The following CSRNP1 variants were observed in gnomAD, a reference collection of about 807,000 sequenced individuals.
CSRNP1 encodes cysteine and serine rich nuclear protein 1, also known as cysteine/serine-rich nuclear protein 1.
A neutral mutation model predicts 25.0 loss-of-function variants in CSRNP1; 8 were observed. The ratio of observed to expected loss-of-function variants is 0.32; its 90% CI spans 0.19 to 0.58. The LOEUF (loss-of-function observed/expected upper bound fraction) is 0.58. Among genes scored for constraint, CSRNP1 ranks in the 20% least tolerant of loss-of-function variants. The probability of loss-of-function intolerance (pLI) is 0.88; values close to 1 mark genes in which losing one functional copy is unlikely to be tolerated. For missense variants in CSRNP1, 691 were observed against 773.1 expected (o/e 0.89, Z 1.26); for synonymous variants, 305 against 303.1 (o/e 1.01, Z -0.06).
In CSRNP1 at chr3:39,146,752, G is replaced by T. The variant is rs756203461; in HGVS notation, c.-40-30C>A. The T allele has an allele frequency of 7.7e-5, 117 of 1,526,290 alleles. 2 individuals are homozygous for T. In the South Asian group the frequency reaches 1.4e-3, roughly 18 times the overall value. The allele number at this position is 1,526,290 out of a possible 1,614,324, so 94.5% of individuals were successfully genotyped here. On this transcript the variant is annotated intron_variant, in intron 1 of 4. Transcript: ENST00000273153. ...AATAGGAATGAGAAGGCTCTAAGTGGCAGGCAGGCAGCAGCAGGTGGACTT... is the reference window on the plus strand; with the variant it reads ...AATAGGAATGAGAAGGCTCTAAGTGTCAGGCAGGCAGCAGCAGGTGGACTT...
chr3:39,147,796 G>A (rs1386440761), intron 1 of CSRNP1, among the ~76,000 whole-genome samples: 1 of 152,126 alleles, frequency 6.6e-6, no homozygotes, highest in African/African-American at 2.4e-5. Context: ...GCAAGCCCCA[G>A]AGGACTCAAT....
In CSRNP1 at chr3:39,143,891, G is replaced by C. The variant is rs1167375268; in HGVS notation, c.934C>G (p.Leu312Val). 2.5e-6 allele frequency: 4 copies of C among 1,614,192 alleles called. No homozygotes were observed. Among genetic ancestry groups the C allele is most frequent in the Non-Finnish European group, 3.4e-6 (4 of 1,180,018 alleles). ...LEQEAESFRE[L>V]EAPAQGSPPS... is the part of the protein sequence containing the mutation. ...GGGCTGCCCTGGGCAGGGGCCTCCA[G>C]CTCCCTAAAGCTCTCAGCCTCCTGT... is the stretch of plus-strand genomic sequence containing the variant. Residue 312 changes from leucine to valine, a missense_variant, in exon 5 of 5, where the codon CTG becomes GTG. Transcript: ENST00000273153.
At position 39,144,464 on chromosome 3, in the gene CSRNP1, G is replaced by C. The variant is rs199818998; in HGVS notation, c.466-13C>G. 8.7e-5 allele frequency: 138 copies of C among 1,590,292 alleles called. 1 individual carries two copies. The Middle Eastern group carries it at 1.7e-3, about 19-fold the overall frequency. On this transcript the variant is annotated splice_polypyrimidine_tract_variant and intron_variant, in intron 3 of 4. Coordinates refer to ENST00000273153, the MANE Select transcript of CSRNP1 (RefSeq NM_033027.4). ...CAGCTGCCGAAAGCTGCATCCACAGGAAAGAGGGATGTAAGAAGCACAGAC... is the reference window on the plus strand; with the variant it reads ...CAGCTGCCGAAAGCTGCATCCACAGCAAAGAGGGATGTAAGAAGCACAGAC...
chr3:39,146,376 A>G, intron 2 of CSRNP1, 102 bp downstream of exon 2: 3 of 1,378,178 alleles, frequency 2.2e-6, no homozygotes. Context: ...CGCCATGGGG[A>G]CCTAACCACC....
chr3:39,150,242 G>A (rs1208024700), intron 1 of CSRNP1: 1 of 152,168 alleles, frequency 6.6e-6, no homozygotes, highest in Non-Finnish European at 1.5e-5. Context: ...AAAAACCCTG[G>A]TATTTCCCTA....
At position 39,143,670 on chromosome 3, in the gene CSRNP1, G is replaced by A. The variant is rs761580218; in HGVS notation, c.1155C>T (p.Gly385=). ...TGCGTGCCAGGCTGTCATCATCAACGCCAGGCTGGAAGCCAGGGCCAGGCA... is the reference window on the plus strand; with the variant it reads ...TGCGTGCCAGGCTGTCATCATCAACACCAGGCTGGAAGCCAGGGCCAGGCA... ...PGLPGPGFQP[G]VDDDSLARIL... is the part of the protein sequence containing the mutation. Residue 385 remains glycine, a synonymous_variant, in exon 5 of 5, where the codon GGC becomes GGT. Transcript: ENST00000273153. 22 of 1,614,178 alleles carry A rather than the reference G, an allele frequency of 1.4e-5. No homozygotes were observed. Among genetic ancestry groups the A allele is most frequent in the South Asian group, 6.6e-5 (6 of 91,082 alleles).
rs1467909172 is a variant in CSRNP1, at chr3:39,143,059, A to G, written c.1766T>C (p.Val589Ala). ...VPASLMEPVP[V>A] ...TGGGAAAAGACATCCTGGTCCTCACACCGGCACAGGCTCCATTAGAGATGC... is the reference window on the plus strand; with the variant it reads ...TGGGAAAAGACATCCTGGTCCTCACGCCGGCACAGGCTCCATTAGAGATGC... Residue 589 changes from valine (V) to alanine (A), a missense_variant, in exon 5 of 5, where the codon GTG becomes GCG. By Grantham distance (64) the Val-to-Ala change is moderately conservative. Transcript: ENST00000273153. 3.8e-6 allele frequency: 6 copies of G among 1,569,200 alleles called. No homozygotes were observed. Among genetic ancestry groups the G allele is most frequent in the Non-Finnish European group, 5.2e-6 (6 of 1,155,334 alleles).
intron 1 of CSRNP1, chr3:39,152,238 C>G (rs2039591004): frequency 6.6e-6 from 1 of 152,660 alleles, no homozygotes; most frequent in Non-Finnish European, 1.5e-5. Flanking sequence ...GAGGGACCAG[C>G]ACAGTGTGAT....
intron 4 of CSRNP1, 37 bp from the exon 5 acceptor site, chr3:39,144,081 T>C: frequency 6.2e-7 from 1 of 1,606,828 alleles, no homozygotes. Context: ...GAGGGTTCTG[T>C]GGAGTGCAAA....
In CSRNP1 at chr3:39,146,684, G is replaced by T; in HGVS notation, c.-2C>A. ...TTTCCTCTTCAACAGCCCAGTCATG[G>T]TGGTGCCGGACGTGCTCTGGGGTCT... On this transcript the variant is annotated 5_prime_UTR_variant, in exon 2 of 5. Transcript: ENST00000273153. The T allele has an allele frequency of 6.4e-7, 1 of 1,559,522 alleles. No individual in the cohort carries two copies.
chr3:39,149,446 A>T (rs2039555738), intron 1 of CSRNP1: 1 of 152,222 alleles, frequency 6.6e-6, no homozygotes, highest in Non-Finnish European at 1.5e-5. Flanking sequence ...AGATTTATAT[A>T]CTTACGCATT....
Position 39,143,382 on chromosome 3 carries a change from G to C in CSRNP1, c.1443C>G (p.Thr481=), listed in dbSNP as rs1275410146. The C allele has an allele frequency of 6.2e-7, 1 of 1,614,108 alleles. No individual in the cohort carries two copies. The highest frequency in any genetic ancestry group is 2.2e-5 in the East Asian group (1 of 44,882). Residue 481 remains threonine, a synonymous_variant, in exon 5 of 5, where the codon ACC becomes ACG. Coordinates refer to ENST00000273153, the MANE Select transcript of CSRNP1 (RefSeq NM_033027.4). ...EGSREGSLPG[T]SVPPSMDAGR... ...CAGCGTCCATGCTGGGTGGCACTGA[G>C]GTGCCAGGAAGGCTGCCTTCCCTTG...
intron 1 of CSRNP1, chr3:39,151,984 A>G (rs2125889416): frequency 6.6e-6 from 1 of 152,478 alleles, no homozygotes; most frequent in East Asian, 1.9e-4. Flanking sequence ...TTCAACAAAT[A>G]CACACTAAGC....
rs2039438686 is a variant in CSRNP1 at position 39,143,195 on chromosome 3, G to A, written c.1630C>T (p.Pro544Ser). 2 of 1,614,212 alleles carry A rather than the reference G, an allele frequency of 1.2e-6. No homozygotes were observed. The highest frequency in any genetic ancestry group is 2.2e-5 in the East Asian group (1 of 44,878). The change falls in exon 5 of 5, where the codon CCA (proline) becomes TCA (serine). Residue 544 changes from proline (P) to serine (S), a missense_variant. Pro to Ser is a moderately conservative substitution (Grantham distance 74). Coordinates refer to ENST00000273153, the MANE Select transcript of CSRNP1 (RefSeq NM_033027.4). ...AAGCAACTGCTGGCATCCCCAGGTG[G>A]AGACAGGCCAGGCAGGGGGAAGTGA... The part of the protein sequence containing the change: ...APHFPLPGLS[P>S]PGDASSCFLE...
chr3:39,144,556 C>T lies in CSRNP1; in HGVS notation c.466-105G>A, dbSNP rs77072572. On this transcript the variant is annotated intron_variant, in intron 3 of 4. Transcript: ENST00000273153. ...CCCAAGTGCTTACCCCCCCACTACT[C>T]GTGCTTAATCTGCGATGGGCACTGT... The T allele has an allele frequency of 1.1e-3, 1,201 of 1,125,662 alleles. 33 individuals carry two copies. In the East Asian group the frequency reaches 0.019, roughly 18 times the overall value. 69.7% of individuals were successfully genotyped at this position (1,125,662 alleles called of 1,614,324 possible). A position where few individuals can be genotyped will look rare whatever the true frequency, so the allele number is the denominator to read the frequency against.
In CSRNP1 at chr3:39,146,507, C is replaced by T. The variant is rs1241462641; in HGVS notation, c.176G>A (p.Arg59His). 1.6e-5 allele frequency: 25 copies of T among 1,549,144 alleles called. No homozygotes were observed. Among genetic ancestry groups the T allele is most frequent in the Non-Finnish European group, 2.2e-5 (25 of 1,145,676 alleles). The change falls in exon 2 of 5, where the codon CGT (arginine) becomes CAT (histidine). Residue 59 changes from arginine (R) to histidine (H), a missense_variant. Arg to His is a conservative substitution (Grantham distance 29). Transcript: ENST00000273153. Reference protein sequence around the residue: ...GPWDQMPLPDRDFCGPRSFTP... With the variant: ...GPWDQMPLPDHDFCGPRSFTP... ...GAAACTTCTGGGGCCGCAGAAGTCACGGTCAGGCAGGGGCATCTGATCCCA... is the reference window on the plus strand; with the variant it reads ...GAAACTTCTGGGGCCGCAGAAGTCATGGTCAGGCAGGGGCATCTGATCCCA...
rs2039466926 is a variant in CSRNP1, at chr3:39,144,167, G to A, written c.750C>T (p.Cys250=). The stretch of plus-strand genomic sequence containing the variant: ...ACTTGATGCCTGCCAGGCTGCAGCT[G>A]CAGGTCTCAGGGTCGCAGATCCTAT... The part of the protein sequence containing the change: ...HCDRICDPET[C]SCSLAGIKCQ... The change falls in exon 4 of 5, where the codon TGC becomes TGT. Residue 250 remains cysteine, a synonymous_variant. Coordinates refer to ENST00000273153, the MANE Select transcript of CSRNP1 (RefSeq NM_033027.4). 1.2e-6 allele frequency: 2 copies of A among 1,613,722 alleles called. No individual in the cohort carries two copies. Among genetic ancestry groups the A allele is most frequent in the South Asian group, 1.1e-5 (1 of 91,080 alleles).
Position 39,147,068 on chromosome 3 carries a change from CAT to C in CSRNP1, c.-40-348_-40-347del, listed in dbSNP as rs1371744519. 2.1e-5 allele frequency among the ~76,000 whole-genome samples: 3 copies of C among 142,474 alleles called. 1 individual carries two copies. The highest frequency in any genetic ancestry group is 2.3e-4 in the South Asian group (1 of 4,366). The allele number at this position is 142,474 out of a possible 152,430, so 93.5% of individuals were successfully genotyped here. A position where few individuals can be genotyped will look rare whatever the true frequency, so the allele number is the denominator to read the frequency against. ...CAAAACACACACACACACACACACA[CAT>C]GCATCCACACCAGCAGGGGAAGGAG... On this transcript the variant is annotated intron_variant, in intron 1 of 4. Transcript: ENST00000273153.
chr3:39,148,240 T>G (rs1246132558), intron 1 of CSRNP1: 1 of 151,718 alleles, frequency 6.6e-6, no homozygotes, highest in Non-Finnish European at 1.5e-5. Context: ...TTCTCAGGCT[T>G]GGCACCCCCC....
Sources: gnomAD v4.1 joint callset for allele counts (sites outside exome capture counted in the v4.1 genomes callset) on GRCh38, gnomAD v4.1.1 for gene constraint, MANE v1.5 for transcripts, NCBI Gene and HGNC (gene_info 2026-07-23, HGNC 2026-07-21) for gene names.